TMEM150B: variants seen among roughly 807,000 people sequenced by gnomAD.
The protein encoded by TMEM150B is transmembrane protein 150B.
Under a neutral mutation model 25.2 loss-of-function variants are expected in TMEM150B, and 33 were observed. That is an observed-to-expected ratio of 1.31 (90% CI 0.99 to 1.75). The LOEUF (loss-of-function observed/expected upper bound fraction) is 1.75. Ranked by LOEUF, TMEM150B falls within the 40% of genes most tolerant of loss-of-function variation. The pLI is 0.00. For missense variants in TMEM150B, 322 were observed against 306.1 expected, an observed-to-expected ratio of 1.05 and a Z score of -0.39; for synonymous variants, 133 against 134.8, an observed-to-expected ratio of 0.99 and a Z score of 0.09.
At chr19:55,320,695 T>G in intron 3 of TMEM150B, 78 bp from the exon 4 acceptor site, 1 of 1,561,756 alleles carries the variant, frequency 6.4e-7, no homozygotes, top group South Asian at 1.1e-5. Flanking sequence ...CAAGGACTTC[T>G]AGCCCCCTCC....
At chr19:55,319,354 C>T (rs1203182087) in intron 6 of TMEM150B, 1 of 151,398 alleles carries the variant, frequency 6.6e-6, no homozygotes, top group Non-Finnish European at 1.5e-5. Context: ...CTCAGGTGAT[C>T]CACCTACCTT....
At chr19:55,315,953 C>T (rs1309831176) in intron 7 of TMEM150B, among the ~76,000 whole-genome samples, 3 of 152,018 alleles carry the variant, frequency 2.0e-5, no homozygotes, top group Non-Finnish European at 2.9e-5. Context: ...TAAAAATAAT[C>T]ATGATGATAA....
intron 7 of TMEM150B, among the ~76,000 whole-genome samples, chr19:55,314,336 G>A (rs1568996732): frequency 6.6e-6 from 1 of 151,922 alleles, no homozygotes; most frequent in African/African-American, 2.4e-5. Flanking sequence ...ACTTCCTATG[G>A]CTCTCTATCA....
At chr19:55,316,743 GAAGAGCCACCTCC>G in intron 7 of TMEM150B, 30 bp downstream of exon 7, 1 of 1,429,072 alleles carries the variant, frequency 7.0e-7, no homozygotes, top group Non-Finnish European at 9.1e-7. Flanking sequence ...CAACTCCAGT[GAAGAGCCACCTCC>G]AAGCCCTACC....
At chr19:55,320,218 G>A in intron 5 of TMEM150B, 52 bp from the exon 6 acceptor site, 11 of 1,594,014 alleles carry the variant, frequency 6.9e-6, no homozygotes, top group Non-Finnish European at 9.4e-6. Context: ...AAGAACTCCT[G>A]GGACCCAGGG....
intron 6 of TMEM150B, among the ~76,000 whole-genome samples, chr19:55,318,956 C>T (rs950383309): frequency 6.6e-6 from 1 of 152,024 alleles, no homozygotes; most frequent in Non-Finnish European, 1.5e-5. Flanking sequence ...TACAGGTTCA[C>T]GCCACCATGC....
At chr19:55,322,889 C>T (rs2089243623) in intron 1 of TMEM150B, 146 bp from the exon 2 acceptor site, 1 of 198,336 alleles carries the variant, frequency 5.0e-6, no homozygotes, top group Non-Finnish European at 9.0e-6. Flanking sequence ...ACCCTAATTT[C>T]CTTCCTCCAG....
intron 5 of TMEM150B, 81 bp from the exon 6 acceptor site, chr19:55,320,247 A>G: frequency 6.5e-7 from 1 of 1,545,086 alleles, no homozygotes; most frequent in South Asian, 1.2e-5. Context: ...GAGGGGAGCA[A>G]GGTGAGGGAG....
At chr19:55,322,226 G>A (rs1398922269) in intron 2 of TMEM150B, among the ~76,000 whole-genome samples, 4 of 152,044 alleles carry the variant, frequency 2.6e-5, no homozygotes, top group African/African-American at 2.4e-5. Flanking sequence ...CTTAGACTCC[G>A]GAGTCCCTCC....
intron 7 of TMEM150B, among the ~76,000 whole-genome samples, chr19:55,313,553 C>A (rs2088887497): frequency 6.6e-6 from 1 of 152,170 alleles, no homozygotes; most frequent in Admixed American, 6.5e-5. Context: ...AAATCTGTTT[C>A]TCTGAGTGTC....
rs1269786896 is a variant in TMEM150B at position 55,316,877 on chromosome 19, C to T, written c.414G>A (p.Trp138Ter). 1.2e-6 allele frequency: 2 copies of T among 1,603,366 alleles called. No individual in the cohort carries two copies. The highest frequency in any genetic ancestry group is 1.3e-5 in the African/African-American group (1 of 74,336). ...CGGGCTGGGGCAGCCTCTTCAGCCT[C>T]CACAGGAGGAGCTGCAGCCAGAAGT... ...NVYFWLQLLL[W>*]RLKRLPQPGA... The change falls in exon 7 of 8, where the codon TGG (tryptophan) becomes TGA (stop). Residue 138 changes from tryptophan to a stop codon, truncating the protein, a stop_gained. Transcript: ENST00000326652. LOFTEE classifies it high-confidence loss of function.
At chr19:55,320,843 C>T in intron 3 of TMEM150B, 126 bp downstream of exon 3, 3 of 1,298,258 alleles carry the variant, frequency 2.3e-6, no homozygotes, top group Non-Finnish European at 3.2e-6. Flanking sequence ...GTCCAGGCCT[C>T]CAGCTCCTCC....
At chr19:55,319,700 T>C (rs1050267767) in intron 6 of TMEM150B, 32 of 1,065,562 alleles carry the variant, frequency 3.0e-5, no homozygotes, top group Non-Finnish European at 3.7e-5. Context: ...TCCGCCTGCC[T>C]CCGCCTCCCA....
chr19:55,315,204 T>A (rs2088955331), intron 7 of TMEM150B, among the ~76,000 whole-genome samples: 1 of 151,912 alleles, frequency 6.6e-6, no homozygotes, highest in Non-Finnish European at 1.5e-5. Flanking sequence ...TAGTCCCAGC[T>A]ACTTGGGAGG....
At chr19:55,313,197 C>T (rs932732780) in intron 7 of TMEM150B, 142 bp from the exon 8 acceptor site, 12 of 829,552 alleles carry the variant, frequency 1.4e-5, no homozygotes, top group African/African-American at 1.2e-4. Flanking sequence ...TCCTCACAGA[C>T]GGGGCCTCGC....
downstream of TMEM150B, among the ~76,000 whole-genome samples, chr19:55,310,796 C>A (rs528066978): frequency 6.6e-6 from 1 of 152,006 alleles, no homozygotes; most frequent in Non-Finnish European, 1.5e-5. The surrounding 1 kb of genome is among the most constrained non-coding windows in gnomAD (Gnocchi z 5.0). Context: ...ACCCCGTTGC[C>A]GAGGAAAGCT....
At position 55,320,394 on chromosome 19, in the gene TMEM150B, G is replaced by C. The variant is rs771664078; in HGVS notation, c.193C>G (p.Leu65Val). The C allele has an allele frequency of 6.4e-7, 1 of 1,556,728 alleles. No homozygotes were observed. Among genetic ancestry groups the C allele is most frequent in the South Asian group, 1.2e-5 (1 of 81,710 alleles). Residue 65 changes from leucine (L) to valine (V), a missense_variant, in exon 5 of 8, where the codon CTG becomes GTG. Leu to Val is a conservative substitution (Grantham distance 32). Coordinates refer to ENST00000326652, the MANE Select transcript of TMEM150B (RefSeq NM_001282011.2). ...FSQVLNMGAA[L>V]AAWICIVRYH... ...CAAAGGGCTGGGCAATATTTACCCA[G>C]AGCAGCTCCCATATTGAGCACCTGG...
chr19:55,314,343 A>G (rs1027097635), intron 7 of TMEM150B, among the ~76,000 whole-genome samples: 4 of 151,976 alleles, frequency 2.6e-5, no homozygotes, highest in Non-Finnish European at 4.4e-5. Context: ...ATGGCTCTCT[A>G]TCACCCCCAG....
chr19:55,310,133 CG>C (rs1327504655), downstream of TMEM150B, among the ~76,000 whole-genome samples: 1 of 152,192 alleles, frequency 6.6e-6, no homozygotes, highest in Non-Finnish European at 1.5e-5. This position sits in a 1 kb window ranked among gnomAD's most constrained non-coding sequence, Gnocchi z 5.0. Flanking sequence ...CTATGGCCGC[CG>C]TCAACAAATG....
Sources: gnomAD v4.1 joint callset for allele counts (sites outside exome capture counted in the v4.1 genomes callset) on GRCh38, gnomAD v4.1.1 for gene constraint, Gnocchi (gnomAD v3.1) non-coding constraint, MANE v1.5 for transcripts, NCBI Gene and HGNC (gene_info 2026-07-23, HGNC 2026-07-21) for gene names.